Variants in CNGB1 observed in about 807,000 individuals in gnomAD.
The protein encoded by CNGB1 is cyclic nucleotide-gated channel beta-1.
CNGB1 carries 126 observed loss-of-function variants against 151.7 expected under a neutral mutation model. That is an observed-to-expected ratio of 0.83 (90% CI 0.72 to 0.96). The LOEUF is 0.96. Ranked by LOEUF, CNGB1 falls within the 40% of genes least tolerant of loss-of-function variation. CNGB1 has a pLI of 0.00. For missense variants in CNGB1, 1,698 were observed against 1,627.0 expected (o/e 1.04, Z -0.75); for synonymous variants, 623 against 635.1 (o/e 0.98, Z 0.29).
At chr16:57,950,653 G>A in intron 12 of CNGB1, 113 bp from the exon 13 acceptor site, 3 of 1,087,966 alleles carry the variant, frequency 2.8e-6, no homozygotes, top group African/African-American at 1.5e-5. Flanking sequence ...GTGCCTCAGT[G>A]CTTAGTCATG....
At chr16:57,959,087 C>T (rs1366612683) in intron 10 of CNGB1, among the ~76,000 whole-genome samples, 1 of 152,000 alleles carries the variant, frequency 6.6e-6, no homozygotes, top group Non-Finnish European at 1.5e-5. Flanking sequence ...TCCTTTGGCC[C>T]AGGAACTCCA....
chr16:57,911,823 GAC>G lies in CNGB1; in HGVS notation c.2420_2421del (p.Cys807SerfsTer44). ...YLLYSLHLNS[C>X]LYYWASAYQG... ...TGATAGGCCGATGCCCAGTAATAAA[GAC>G]AGGAATTCAAATGCAGGCTGTAGAG... is the stretch of plus-strand genomic sequence containing the variant. On this transcript the variant is annotated frameshift_variant, in exon 25 of 33. Coordinates refer to ENST00000251102, the MANE Select transcript of CNGB1 (RefSeq NM_001297.5). LOFTEE classifies it high-confidence loss of function. The G allele has an allele frequency of 3.7e-6, 6 of 1,614,092 alleles. No individual in the cohort carries two copies. The highest frequency in any genetic ancestry group is 5.1e-6 in the Non-Finnish European group (6 of 1,179,968).
At chr16:57,920,602 C>T in intron 18 of CNGB1, 58 bp from the exon 19 acceptor site, 1 of 1,596,692 alleles carries the variant, frequency 6.3e-7, no homozygotes, top group Non-Finnish European at 8.5e-7. Flanking sequence ...TGTGCACCCC[C>T]AGGCCAGAGC....
Position 57,901,334 on chromosome 16 carries a change from G to A in CNGB1, c.2976+18C>T. 1.2e-6 allele frequency: 2 copies of A among 1,612,860 alleles called. No homozygotes were observed. Among genetic ancestry groups the A allele is most frequent in the South Asian group, 2.2e-5 (2 of 91,048 alleles). ...ATGGTGAACCCCAGATCCCGTGGTG[G>A]CTGCCAGGCCAGCTCACCTTCTTGC... On this transcript the variant is annotated intron_variant, in intron 29 of 32. Transcript: ENST00000251102.
At position 57,912,821 on chromosome 16, in the gene CNGB1, CGTGT is replaced by C. The variant is rs528080505; in HGVS notation, c.2369+105_2369+108del. 5.4e-4 allele frequency: 574 copies of C among 1,071,482 alleles called. No individual in the cohort carries two copies. The African/African-American group carries it at 8.4e-3, about 16-fold the overall frequency. The allele number at this position is 1,071,482 out of a possible 1,614,324, so 66.4% of individuals were successfully genotyped here. Reference sequence around the variant, plus strand: ...TATGTTGTGTGTGTGTTGTGTGTGTCGTGTGTGTGTTGTGTGTGTGTCATCTGTG... The same window carrying C: ...TATGTTGTGTGTGTGTTGTGTGTGTCGTGTGTTGTGTGTGTGTCATCTGTG... On this transcript the variant is annotated intron_variant, in intron 24 of 32. Transcript: ENST00000251102.
chr16:57,943,721 C>T (rs1961729298), intron 14 of CNGB1, among the ~76,000 whole-genome samples: 1 of 152,132 alleles, frequency 6.6e-6, no homozygotes, highest in Non-Finnish European at 1.5e-5. Flanking sequence ...GGAACACTTA[C>T]ACACTGTTGG....
intron 16 of CNGB1, among the ~76,000 whole-genome samples, chr16:57,932,516 C>A (rs1961383130): frequency 6.6e-6 from 1 of 151,184 alleles, no homozygotes; most frequent in South Asian, 2.1e-4. Flanking sequence ...CATTCTCCTG[C>A]CTCAGCCTCC....
chr16:57,950,346 T>C (rs1360744843), intron 13 of CNGB1, 35 bp downstream of exon 13: 8 of 1,613,298 alleles, frequency 5.0e-6, no homozygotes, highest in East Asian at 4.5e-5. Flanking sequence ...TCTCAAACAA[T>C]AACTAATCTT....
intron 16 of CNGB1, 69 bp from the exon 17 acceptor site, chr16:57,931,947 T>C (rs1961366613): frequency 1.3e-6 from 2 of 1,546,962 alleles, no homozygotes; most frequent in Non-Finnish European, 1.8e-6. Flanking sequence ...TCCAGCTGTG[T>C]TCTTGAAGAA....
chr16:57,930,308 G>A (rs1012856466), intron 17 of CNGB1, among the ~76,000 whole-genome samples: 8 of 152,006 alleles, frequency 5.3e-5, no homozygotes, highest in East Asian at 1.9e-4. Context: ...ACCAGCCTTT[G>A]GCAACAAACT....
chr16:57,950,695 G>A (rs1481578184), intron 12 of CNGB1, among the ~76,000 whole-genome samples, 155 bp from the exon 13 acceptor site: 4 of 152,320 alleles, frequency 2.6e-5, no homozygotes, highest in East Asian at 3.9e-4. Context: ...CATTTTCAGC[G>A]GGACCAGATC....
intron 19 of CNGB1, 108 bp downstream of exon 19, chr16:57,920,279 T>C (rs1960992742): frequency 1.6e-6 from 2 of 1,281,286 alleles, no homozygotes; most frequent in Non-Finnish European, 2.2e-6. Flanking sequence ...GCTTCTCTCA[T>C]GGACCTCAAC....
intron 25 of CNGB1, among the ~76,000 whole-genome samples, chr16:57,907,016 T>C (rs1187399831): frequency 1.3e-5 from 2 of 152,216 alleles, no homozygotes; most frequent in African/African-American, 2.4e-5. Flanking sequence ...TTATTCTTCA[T>C]GCTATTGGAA....
chr16:57,957,271 C>T (rs1484466235), intron 12 of CNGB1, 70 bp downstream of exon 12: 1 of 1,466,292 alleles, frequency 6.8e-7, no homozygotes, highest in East Asian at 2.3e-5. Flanking sequence ...TGCCCACATA[C>T]AGTCAGACCC....
intron 16 of CNGB1, among the ~76,000 whole-genome samples, chr16:57,936,087 CAG>C (rs1220226964): frequency 6.6e-6 from 1 of 152,134 alleles, no homozygotes; most frequent in Non-Finnish European, 1.5e-5. Flanking sequence ...CAGAAAGTGA[CAG>C]GGGTTAGTCC....
chr16:57,940,113 T>G, intron 15 of CNGB1, 121 bp downstream of exon 15: 1 of 977,476 alleles, frequency 1.0e-6, no homozygotes, highest in Non-Finnish European at 1.6e-6. Flanking sequence ...CCCTGCTCCC[T>G]CTGTCCTGCG....
chr16:57,906,776 C>G (rs1960563509), intron 25 of CNGB1, among the ~76,000 whole-genome samples: 1 of 152,182 alleles, frequency 6.6e-6, no homozygotes, highest in Non-Finnish European at 1.5e-5. Flanking sequence ...TCTGGCTTTA[C>G]CCCAAACCCT....
At chr16:57,921,949 A>G (rs953977207) in intron 18 of CNGB1, among the ~76,000 whole-genome samples, 4 of 152,178 alleles carry the variant, frequency 2.6e-5, no homozygotes, top group Admixed American at 2.0e-4. Context: ...TAGCTAATAC[A>G]TGGGTCTCCA....
At chr16:57,939,354 T>A in intron 16 of CNGB1, 76 bp downstream of exon 16, 1 of 1,603,378 alleles carries the variant, frequency 6.2e-7, no homozygotes, top group Non-Finnish European at 8.5e-7. Flanking sequence ...GGGTTGCCCC[T>A]GCACGAAGGC....
Sources: allele counts gnomAD v4.1 joint callset (sites outside exome capture counted in the v4.1 genomes callset), GRCh38; gene constraint gnomAD v4.1.1; transcripts MANE v1.5; gene names NCBI Gene and HGNC (gene_info 2026-07-23, HGNC 2026-07-21).